NUP133: variants seen among roughly 807,000 people sequenced by gnomAD.
NUP133 encodes nuclear pore complex protein Nup133.
In NUP133, 66 loss-of-function variants were observed where a neutral mutation model predicts 146.2. That is an observed-to-expected ratio of 0.45 (90% CI 0.37 to 0.55). NUP133 has a LOEUF of 0.55. Ranked by LOEUF, NUP133 falls within the 20% of genes least tolerant of loss-of-function variation. The probability of loss-of-function intolerance (pLI) is 0.00; values close to 1 mark genes in which losing one functional copy is unlikely to be tolerated. For synonymous variants in NUP133, 521 were observed against 498.8 expected, an observed-to-expected ratio of 1.04 and a Z score of -0.59; for missense variants, 1,277 against 1,374.8, an observed-to-expected ratio of 0.93 and a Z score of 1.12.
chr1:229,441,680 AG>A lies in NUP133; in HGVS notation c.*223del. 1 of 440,990 alleles carries A rather than the reference AG, an allele frequency of 2.3e-6. No individual in the cohort carries two copies. Among genetic ancestry groups the A allele is most frequent in the East Asian group, 4.3e-5 (1 of 22,998 alleles). 27.3% of individuals were successfully genotyped at this position (440,990 alleles called of 1,614,324 possible). On this transcript the variant is annotated 3_prime_UTR_variant, in exon 26 of 26. Coordinates refer to ENST00000261396, the MANE Select transcript of NUP133 (RefSeq NM_018230.3). ...AGTAAAAAGAAAGGGCACCGAGTAC[AG>A]GAACAACAACTGACACATTTCAGGT...
intron 14 of NUP133, among the ~76,000 whole-genome samples, chr1:229,472,732 A>ATATAT (rs1269410536): frequency 4.8e-5 from 7 of 146,780 alleles, no homozygotes; most frequent in African/African-American, 7.6e-5. Flanking sequence ...ATATATGTAC[A>ATATAT]ATCATTCTAG....
At chr1:229,479,669 T>A (rs1320886231) in intron 12 of NUP133, among the ~76,000 whole-genome samples, 1 of 152,074 alleles carries the variant, frequency 6.6e-6, no homozygotes, top group Non-Finnish European at 1.5e-5. Context: ...ATAAGCTCGG[T>A]TTTGGATACG....
At chr1:229,443,657 CTGT>C (rs1660233356) in intron 25 of NUP133, among the ~76,000 whole-genome samples, 1 of 151,276 alleles carries the variant, frequency 6.6e-6, no homozygotes, top group South Asian at 2.1e-4. Context: ...TACATTTGTC[CTGT>C]TATTAAAAAA....
chr1:229,486,795 CAA>C (rs982889851), intron 10 of NUP133, among the ~76,000 whole-genome samples: 2 of 149,508 alleles, frequency 1.3e-5, no homozygotes, highest in Non-Finnish European at 3.0e-5. Flanking sequence ...TCTAGTAAGC[CAA>C]AAAAGAAAAT....
rs1264968970 is a variant in NUP133, at chr1:229,464,646, T to C, written c.2529A>G (p.Arg843=). 1 of 1,614,212 alleles carries C rather than the reference T, an allele frequency of 6.2e-7. No homozygotes were observed. Among genetic ancestry groups the C allele is most frequent in the East Asian group, 2.2e-5 (1 of 44,886 alleles). The change falls in exon 18 of 26, where the codon AGA becomes AGG. Residue 843 remains arginine, a synonymous_variant. Coordinates refer to ENST00000261396, the MANE Select transcript of NUP133 (RefSeq NM_018230.3). ...DNLEMEYLQK[R]SDLLSPLLSL... ...TACGAAGAGGAGATAAGAGATCTGA[T>C]CTTTTCTGTAGGTATTCCATCTCCA...
Position 229,477,641 on chromosome 1 carries a change from T to G in NUP133, c.1712A>C (p.Asp571Ala). ...CCACCGTGGGTCAGATGCTGGGTAGTCATCCATCAGGTCTACACTGATTTG... is the reference window on the plus strand; with the variant it reads ...CCACCGTGGGTCAGATGCTGGGTAGGCATCCATCAGGTCTACACTGATTTG... ...VTQISVDLMD[D>A]YPASDPRWAE... Residue 571 changes from aspartate to alanine, a missense_variant, in exon 13 of 26, where the codon GAC becomes GCC. By Grantham distance (126) the Asp-to-Ala change is moderately radical (BLOSUM62 -2). This residue lies in a region of NUP133 where 952 missense variants were observed against 1,047.0 expected (regional missense o/e 0.91). Transcript: ENST00000261396. The G allele has an allele frequency of 1.9e-6, 3 of 1,613,832 alleles. No homozygotes were observed. Among genetic ancestry groups the G allele is most frequent in the Non-Finnish European group, 2.5e-6 (3 of 1,179,832 alleles).
Position 229,472,630 on chromosome 1 carries a change from C to T in NUP133, c.1852-1826G>A, listed in dbSNP as rs541070661. Among the ~76,000 whole-genome samples, 3 of 150,792 alleles carry T rather than the reference C, an allele frequency of 2.0e-5. No individual in the cohort carries two copies. The South Asian group carries it at 6.3e-4, about 32-fold the overall frequency. On this transcript the variant is annotated intron_variant, in intron 14 of 25. Transcript: ENST00000261396. ...CCGGACAGGCTGTAGCTACAGTGAGCTATGATCATGCCACTGCACTCCAGC... is the reference window on the plus strand; with the variant it reads ...CCGGACAGGCTGTAGCTACAGTGAGTTATGATCATGCCACTGCACTCCAGC...
chr1:229,499,556 C>T, intron 5 of NUP133, 128 bp downstream of exon 5: 1 of 977,606 alleles, frequency 1.0e-6, no homozygotes, highest in Non-Finnish European at 1.5e-6. Context: ...ATTGCTTGAG[C>T]CCAGGAGTTT....
In NUP133 at chr1:229,458,256, C is replaced by T. The variant is rs41307728; in HGVS notation, c.2885G>A (p.Arg962His). The T allele has an allele frequency of 8.3e-3, 13,369 of 1,613,310 alleles. 505 individuals carry two copies. The Admixed American group carries it at 0.11, about 13-fold the overall frequency. ...TLLGLANMET[R>H]YFAKKKTLLG... ...AAGGGTTTTCTTCTTTGCAAAGTAA[C>T]GAGTTTCCATATTTGCCAAACCCAG... Residue 962 changes from arginine (R) to histidine (H), a missense_variant, in exon 21 of 26, where the codon CGT becomes CAT. By Grantham distance (29) the Arg-to-His change is conservative. Coordinates refer to ENST00000261396, the MANE Select transcript of NUP133 (RefSeq NM_018230.3).
intron 2 of NUP133, among the ~76,000 whole-genome samples, chr1:229,502,342 G>A (rs527831273): frequency 1.4e-4 from 22 of 151,924 alleles, no homozygotes; most frequent in African/African-American, 4.1e-4. Context: ...GGAGGATCAC[G>A]AGGTCAGGAG....
At chr1:229,453,732 T>C (rs1318327095) in intron 21 of NUP133, among the ~76,000 whole-genome samples, 1 of 152,224 alleles carries the variant, frequency 6.6e-6, no homozygotes, top group East Asian at 1.9e-4. Context: ...TATTAGTTAA[T>C]TCTGTGATTT....
At chr1:229,462,877 C>G (rs771390730) in intron 19 of NUP133, among the ~76,000 whole-genome samples, 6 of 152,054 alleles carry the variant, frequency 3.9e-5, no homozygotes, top group Non-Finnish European at 7.4e-5. Context: ...AAACAGGAAG[C>G]ATAATATCCC....
chr1:229,481,439 T>A (rs1661209529), intron 12 of NUP133, among the ~76,000 whole-genome samples: 1 of 152,176 alleles, frequency 6.6e-6, no homozygotes, highest in Non-Finnish European at 1.5e-5. Flanking sequence ...CTGGGCATGG[T>A]GGCTCACACC....
At chr1:229,505,039 A>C (rs1661899124) in intron 2 of NUP133, among the ~76,000 whole-genome samples, 2 of 152,126 alleles carry the variant, frequency 1.3e-5, no homozygotes, top group Non-Finnish European at 1.5e-5. Context: ...TTATACACAG[A>C]CCTTTTCATT....
At position 229,508,269 on chromosome 1, in the gene NUP133, T is replaced by C; in HGVS notation, c.-20A>G. On this transcript the variant is annotated 5_prime_UTR_variant, in exon 1 of 26. Coordinates refer to ENST00000261396, the MANE Select transcript of NUP133 (RefSeq NM_018230.3). ...GAACATGACTCCAAGGAGCAGCGACTAGGACAGCGAGGGATCTGGCCGTCA... is the reference window on the plus strand; with the variant it reads ...GAACATGACTCCAAGGAGCAGCGACCAGGACAGCGAGGGATCTGGCCGTCA... 2.7e-6 allele frequency: 4 copies of C among 1,460,920 alleles called. No homozygotes were observed. Among genetic ancestry groups the C allele is most frequent in the Non-Finnish European group, 3.6e-6 (4 of 1,103,182 alleles). The allele number at this position is 1,460,920 out of a possible 1,614,324, so 90.5% of individuals were successfully genotyped here. A position where few individuals can be genotyped will look rare whatever the true frequency, so the allele number is the denominator to read the frequency against.
At chr1:229,485,605 G>C (rs1661329012) in intron 11 of NUP133, among the ~76,000 whole-genome samples, 1 of 152,112 alleles carries the variant, frequency 6.6e-6, no homozygotes, top group East Asian at 1.9e-4. Flanking sequence ...GAATGATAAA[G>C]GCAGAGGAAG....
intron 22 of NUP133, among the ~76,000 whole-genome samples, chr1:229,451,227 C>T (rs1003644691): frequency 3.9e-5 from 6 of 151,904 alleles, no homozygotes; most frequent in Non-Finnish European, 8.8e-5. Flanking sequence ...GGAGAAACCT[C>T]GTCTCTACAA....
intron 8 of NUP133, among the ~76,000 whole-genome samples, chr1:229,493,128 G>T (rs1201643025): frequency 1.3e-5 from 2 of 151,976 alleles, no homozygotes; most frequent in East Asian, 1.9e-4. Context: ...CTAAAATGAA[G>T]ATATCTAAAC....
At chr1:229,506,804 G>A (rs1250581081) in intron 1 of NUP133, among the ~76,000 whole-genome samples, 1 of 135,456 alleles carries the variant, frequency 7.4e-6, no homozygotes, top group East Asian at 2.1e-4. Context: ...GCGACAGAGA[G>A]TGAGACCCTG....
Sources: gnomAD v4.1 joint callset for allele counts (sites outside exome capture counted in the v4.1 genomes callset) on GRCh38, gnomAD v4.1.1 for gene constraint, gnomAD v4.1.1 regional missense constraint, MANE v1.5 for transcripts, NCBI Gene and HGNC (gene_info 2026-07-23, HGNC 2026-07-21) for gene names.